MOK: variants seen among roughly 807,000 people sequenced by gnomAD.
MOK encodes the protein MOK protein kinase, also known as MAPK/MAK/MRK overlapping kinase.
A neutral mutation model predicts 54.2 loss-of-function variants in MOK; 59 were observed. That is an observed-to-expected ratio of 1.09 (90% confidence interval 0.88 to 1.35). MOK has a LOEUF of 1.35. Among genes scored for constraint, MOK ranks in the 40% most tolerant of loss-of-function variants. The pLI, the probability that MOK is intolerant of heterozygous loss-of-function variation, is 0.00. For synonymous variants in MOK, 210 were observed against 202.7 expected, an observed-to-expected ratio of 1.04 and a Z score of -0.31; for missense variants, 517 against 526.2, an observed-to-expected ratio of 0.98 and a Z score of 0.17.
At chr14:102,248,988 A>C (rs931806882) in intron 7 of MOK, among the ~76,000 whole-genome samples, 1 of 151,962 alleles carries the variant, frequency 6.6e-6, no homozygotes, top group African/African-American at 2.4e-5. Context: ...CATTCTGCCT[A>C]GTCCCCTCGA....
chr14:102,247,981 C>G (rs1488694568), intron 7 of MOK, among the ~76,000 whole-genome samples: 1 of 152,178 alleles, frequency 6.6e-6, no homozygotes, highest in African/African-American at 2.4e-5. Context: ...TTTACAGGAC[C>G]GTATCGGAGC....
downstream of MOK, among the ~76,000 whole-genome samples, chr14:102,224,203 G>A (rs868453519): frequency 1.4e-4 from 21 of 151,748 alleles, no homozygotes; most frequent in African/African-American, 3.4e-4. Context: ...CACCACGCCC[G>A]GCTAATTTTT....
At chr14:102,250,717 T>C (rs2066456688) in intron 7 of MOK, 95 bp downstream of exon 7, 4 of 1,188,994 alleles carry the variant, frequency 3.4e-6, no homozygotes, top group Non-Finnish European at 4.7e-6. Flanking sequence ...AAAACCAGAA[T>C]GACCATGACA....
At chr14:102,287,844 G>C (rs910190615) in intron 1 of MOK, among the ~76,000 whole-genome samples, 2 of 45,522 alleles carry the variant, frequency 4.4e-5, no homozygotes, top group Non-Finnish European at 8.8e-5. Context: ...TTTTTTTTTT[G>C]AGACGGAGTC....
At position 102,238,526 on chromosome 14, in the gene MOK, G is replaced by C. The variant is rs975993661; in HGVS notation, c.591-4737C>G. The C allele has an allele frequency of 6.6e-6, 1 of 152,192 alleles. No homozygotes were observed. Among genetic ancestry groups the C allele is most frequent in the Non-Finnish European group, 1.5e-5 (1 of 68,116 alleles). The allele number at this position is 152,192 out of a possible 1,614,324, so 9.4% of individuals were successfully genotyped here. On this transcript the variant is annotated intron_variant, in intron 7 of 11. Transcript: ENST00000361847. The surrounding 1 kb of genome is among the most constrained non-coding windows in gnomAD (Gnocchi z 4.8). ...ATAAAATCTCAAGAGGCAACAGAAAGACCAATGGGGCAGCAAAAGAAGCCT... is the reference window on the plus strand; with the variant it reads ...ATAAAATCTCAAGAGGCAACAGAAACACCAATGGGGCAGCAAAAGAAGCCT...
intron 4 of MOK, among the ~76,000 whole-genome samples, chr14:102,254,437 T>A (rs1026919442): frequency 1.3e-5 from 2 of 152,206 alleles, no homozygotes; most frequent in Non-Finnish European, 2.9e-5. Flanking sequence ...TAAATTAATA[T>A]CTATAACAGA....
chr14:102,226,149 T>C, downstream of MOK: 1 of 595,048 alleles, frequency 1.7e-6, no homozygotes. This position sits in a 1 kb window ranked among gnomAD's most constrained non-coding sequence, Gnocchi z 4.8. Flanking sequence ...TGGAAATGGC[T>C]GATGGAGATG....
At chr14:102,294,500 G>A (rs1360777182) in intron 1 of MOK, among the ~76,000 whole-genome samples, 1 of 151,542 alleles carries the variant, frequency 6.6e-6, no homozygotes. Flanking sequence ...CTGTAGCCCC[G>A]GCCACTTGGG....
chr14:102,285,845 T>C (rs1255300522), intron 1 of MOK, among the ~76,000 whole-genome samples: 2 of 152,018 alleles, frequency 1.3e-5, no homozygotes, highest in Non-Finnish European at 1.5e-5. Flanking sequence ...TGAGCCAAGA[T>C]CGCACCACTG....
At chr14:102,291,534 A>C (rs2070757918) in intron 1 of MOK, among the ~76,000 whole-genome samples, 1 of 152,182 alleles carries the variant, frequency 6.6e-6, no homozygotes, top group Non-Finnish European at 1.5e-5. Context: ...TTGCTAAAAC[A>C]CCACCAAAAT....
chr14:102,259,873 T>C (rs1186524171), intron 4 of MOK, among the ~76,000 whole-genome samples: 1 of 151,550 alleles, frequency 6.6e-6, no homozygotes, highest in Non-Finnish European at 1.5e-5. Flanking sequence ...GTGAAACCTG[T>C]CTCTACTAAA....
At chr14:102,215,656 T>C in the MOK span, among the ~76,000 whole-genome samples, 1 of 152,162 alleles carries the variant, frequency 6.6e-6, no homozygotes, top group Non-Finnish European at 1.5e-5. Context: ...AGGAGCTCTT[T>C]TCCTGGCTAG....
intron 1 of MOK, 109 bp from the exon 2 acceptor site, chr14:102,283,701 T>C: frequency 1.6e-6 from 1 of 625,108 alleles, no homozygotes; most frequent in Non-Finnish European, 2.7e-6. Flanking sequence ...AGCAATATAC[T>C]GAGAATTGTT....
At chr14:102,222,977 C>T (rs953399204), downstream of MOK, 27 of 1,514,218 alleles carry the variant, frequency 1.8e-5, no homozygotes, top group African/African-American at 2.1e-4. This position sits in a 1 kb window ranked among gnomAD's most constrained non-coding sequence, Gnocchi z 4.4. Context: ...TGCCAGCCGG[C>T]GGACCTCAGG....
chr14:102,226,014 C>T (rs1486290295), downstream of MOK: 2 of 430,618 alleles, frequency 4.6e-6, no homozygotes, highest in African/African-American at 4.2e-5. This position sits in a 1 kb window ranked among gnomAD's most constrained non-coding sequence, Gnocchi z 4.8. Context: ...GTGGGTCTAG[C>T]TGGACTCTAG....
chr14:102,219,828 C>T (rs537428076), downstream of MOK, among the ~76,000 whole-genome samples: 3 of 152,342 alleles, frequency 2.0e-5, no homozygotes, highest in East Asian at 5.8e-4. Flanking sequence ...TCCGTTATGC[C>T]AGTATGGACT....
intron 1 of MOK, among the ~76,000 whole-genome samples, chr14:102,294,357 A>T (rs1210919008): frequency 6.6e-6 from 1 of 151,872 alleles, no homozygotes; most frequent in African/African-American, 2.4e-5. Flanking sequence ...GAGGCAGGAA[A>T]ATGGCATGAA....
chr14:102,287,253 G>T (rs982060185), intron 1 of MOK, among the ~76,000 whole-genome samples: 1 of 152,104 alleles, frequency 6.6e-6, no homozygotes, highest in African/African-American at 2.4e-5. Flanking sequence ...CAGATTACCT[G>T]AGGTCAGGAG....
In MOK at chr14:102,261,254, C is replaced by CAAA. The variant is rs71116891; in HGVS notation, c.283+2289_283+2291dup. Among the ~76,000 whole-genome samples the CAAA allele has an allele frequency of 4.6e-5, 4 of 86,854 alleles. 1 individual carries two copies. The highest frequency in any genetic ancestry group is 1.5e-4 in the African/African-American group (3 of 19,916). The allele number at this position is 86,854 out of a possible 152,430, so 57.0% of individuals were successfully genotyped here. Reference sequence around the variant, plus strand: ...TGGCAACAGAGCGAGACTCTGCCTACAAAAAAAAAAAAAAATTAGCCAAGT... The same window carrying CAAA: ...TGGCAACAGAGCGAGACTCTGCCTACAAAAAAAAAAAAAAAAAATTAGCCAAGT... On this transcript the variant is annotated intron_variant, in intron 4 of 11. Transcript: ENST00000361847.
Sources: allele counts gnomAD v4.1 joint callset (sites outside exome capture counted in the v4.1 genomes callset), GRCh38; gene constraint gnomAD v4.1.1; non-coding constraint Gnocchi (gnomAD v3.1); transcripts MANE v1.5; gene names NCBI Gene and HGNC (gene_info 2026-07-23, HGNC 2026-07-21).